The following ANKRD54 variants were observed in gnomAD, a reference collection of about 807,000 sequenced individuals.
ANKRD54 encodes ankyrin repeat domain 54, also known as ankyrin repeat domain-containing protein 54.
Under a neutral mutation model 36.2 loss-of-function variants are expected in ANKRD54, and 26 were observed. The observed-to-expected ratio is 0.72, with a 90% CI of 0.53 to 1.00. The LOEUF (loss-of-function observed/expected upper bound fraction) is 1.00, where lower values mean the gene tolerates loss of function less well. Among genes scored for constraint, ANKRD54 ranks in the 50% least tolerant of loss-of-function variants. The pLI, the probability that ANKRD54 is intolerant of heterozygous loss-of-function variation, is 0.00. For synonymous variants in ANKRD54, 209 were observed against 188.4 expected (o/e 1.11, Z -0.89); for missense variants, 384 against 424.3 (o/e 0.91, Z 0.83).
intron 1 of ANKRD54, among the ~76,000 whole-genome samples, chr22:37,841,139 C>A (rs1444734003): frequency 1.3e-5 from 2 of 150,990 alleles, no homozygotes; most frequent in Non-Finnish European, 2.9e-5. Flanking sequence ...TGCCTATAAT[C>A]CCGGTACTTT....
At chr22:37,844,562 G>T (rs1601742799), upstream of ANKRD54, 4 of 317,264 alleles carry the variant, frequency 1.3e-5, no homozygotes, top group Non-Finnish European at 2.3e-5. Context: ...GCTGTACGTC[G>T]CTACCGGAGC....
intron 2 of ANKRD54, 43 bp downstream of exon 2, chr22:37,840,144 C>A (rs1320138634): frequency 6.2e-7 from 1 of 1,613,126 alleles, no homozygotes; most frequent in Admixed American, 1.7e-5. Context: ...CTTCCCCAAC[C>A]AGCCCATGGG....
upstream of ANKRD54, among the ~76,000 whole-genome samples, chr22:37,846,714 C>T (rs1220902639): frequency 6.6e-6 from 1 of 152,152 alleles, no homozygotes; most frequent in Non-Finnish European, 1.5e-5. Context: ...GCATGAGCCA[C>T]CACATCCAGC....
chr22:37,839,386 CTTATG>C (rs781078950), intron 2 of ANKRD54, among the ~76,000 whole-genome samples: 12 of 151,730 alleles, frequency 7.9e-5, no homozygotes, highest in South Asian at 2.1e-4. Context: ...AAATTTTTTT[CTTATG>C]TTATTTATTT....
At chr22:37,835,456 G>C (rs1471782613) in intron 3 of ANKRD54, among the ~76,000 whole-genome samples, 1 of 152,100 alleles carries the variant, frequency 6.6e-6, no homozygotes, top group African/African-American at 2.4e-5. Flanking sequence ...AGAAAATCAA[G>C]TCATTTATAT....
chr22:37,844,233 T>G lies in ANKRD54; in HGVS notation c.6A>C (p.Ala2=). The G allele has an allele frequency of 6.5e-7, 1 of 1,545,660 alleles. No homozygotes were observed. Among genetic ancestry groups the G allele is most frequent in the Non-Finnish European group, 8.6e-7 (1 of 1,156,090 alleles). Residue 2 remains alanine, a synonymous_variant, in exon 1 of 8, where the codon GCA becomes GCC. Coordinates refer to ENST00000215941, the MANE Select transcript of ANKRD54 (RefSeq NM_138797.4). M[A]AAAGDADDEP... ...CGTCGTCCGCGTCCCCGGCGGCGGC[T>G]GCCATGGCAACGGCTCCGCGCGGGC...
chr22:37,831,913 C>T lies in ANKRD54; in HGVS notation c.*30G>A, dbSNP rs774422676. On this transcript the variant is annotated 3_prime_UTR_variant, in exon 8 of 8. Transcript: ENST00000215941. ...GAGACAGCAGTGGGGCAGGGTGGGG[C>T]AGTGGCAGGAAGGCAGGGAGCCTCT... is the stretch of plus-strand genomic sequence containing the variant. 2.5e-6 allele frequency: 4 copies of T among 1,609,054 alleles called. No individual in the cohort carries two copies. Among genetic ancestry groups the T allele is most frequent in the Non-Finnish European group, 3.4e-6 (4 of 1,176,990 alleles).
intron 2 of ANKRD54, 112 bp from the exon 3 acceptor site, chr22:37,838,710 A>AC (rs1923850316): frequency 2.9e-6 from 3 of 1,016,988 alleles, no homozygotes; most frequent in Admixed American, 4.5e-5. Flanking sequence ...CAAGACATCG[A>AC]CAATGCATAG....
intron 3 of ANKRD54, among the ~76,000 whole-genome samples, chr22:37,836,014 T>G (rs1024221688): frequency 6.6e-6 from 1 of 151,742 alleles, no homozygotes; most frequent in Non-Finnish European, 1.5e-5. Flanking sequence ...TTTTGTATAT[T>G]TAGTAGAGAT....
chr22:37,847,312 G>A (rs1281303011), upstream of ANKRD54, among the ~76,000 whole-genome samples: 1 of 151,708 alleles, frequency 6.6e-6, no homozygotes, highest in Non-Finnish European at 1.5e-5. Context: ...ACAGGCATAT[G>A]CCACCATGCC....
At chr22:37,841,546 ACACACACAC>A (rs1924245944) in intron 1 of ANKRD54, among the ~76,000 whole-genome samples, 4 of 146,570 alleles carry the variant, frequency 2.7e-5, no homozygotes, top group Admixed American at 6.8e-5. Context: ...ACACACACAC[ACACACACAC>A]ACAAAAAACA....
chr22:37,832,784 G>A, intron 6 of ANKRD54, 40 bp from the exon 7 acceptor site: 1 of 1,609,974 alleles, frequency 6.2e-7, no homozygotes, highest in East Asian at 2.2e-5. Flanking sequence ...GGGTTCCTAG[G>A]GAGGCAGACA....
chr22:37,831,571 T>C lies in ANKRD54; in HGVS notation c.*372A>G, dbSNP rs1021370954. ...ACACCTGCTGACTGCAACAAGCCCATGGCCAGGACGGAACACAGAGAAGGG... is the reference window on the plus strand; with the variant it reads ...ACACCTGCTGACTGCAACAAGCCCACGGCCAGGACGGAACACAGAGAAGGG... On this transcript the variant is annotated 3_prime_UTR_variant, in exon 8 of 8. Transcript: ENST00000215941. 3 of 221,796 alleles carry C rather than the reference T, an allele frequency of 1.4e-5. No individual in the cohort carries two copies. The highest frequency in any genetic ancestry group is 5.1e-5 in the Admixed American group (1 of 19,778). The allele number at this position is 221,796 out of a possible 1,614,324, so 13.7% of individuals were successfully genotyped here. A position where few individuals can be genotyped will look rare whatever the true frequency, so the allele number is the denominator to read the frequency against.
chr22:37,841,021 A>G (rs1489348118), intron 1 of ANKRD54, among the ~76,000 whole-genome samples: 1 of 150,790 alleles, frequency 6.6e-6, no homozygotes, highest in East Asian at 2.0e-4. Flanking sequence ...GGCGGAGGCT[A>G]CAGTGAGATG....
At position 37,831,894 on chromosome 22, in the gene ANKRD54, G is replaced by T; in HGVS notation, c.*49C>A. On this transcript the variant is annotated 3_prime_UTR_variant, in exon 8 of 8. Transcript: ENST00000215941. ...TGGGCTTTTTCTTGGTACTGAGACA[G>T]CAGTGGGGCAGGGTGGGGCAGTGGC... The T allele has an allele frequency of 1.3e-6, 2 of 1,588,690 alleles. No homozygotes were observed. Among genetic ancestry groups the T allele is most frequent in the Non-Finnish European group, 1.7e-6 (2 of 1,160,720 alleles).
At chr22:37,847,608 CACTGTT>C, upstream of ANKRD54, 1 of 474,336 alleles carries the variant, frequency 2.1e-6, no homozygotes, top group Non-Finnish European at 4.1e-6. Flanking sequence ...ATTATTTTCT[CACTGTT>C]ACAATTTTTG....
At chr22:37,841,921 G>A (rs966870460) in intron 1 of ANKRD54, among the ~76,000 whole-genome samples, 9 of 150,832 alleles carry the variant, frequency 6.0e-5, no homozygotes, top group East Asian at 1.9e-4. Context: ...AAAATTAGCC[G>A]GGTGTGGTGG....
At position 37,833,765 on chromosome 22, in the gene ANKRD54, G is replaced by C. The variant is rs1923192515; in HGVS notation, c.476-10C>G. 1.2e-6 allele frequency: 2 copies of C among 1,613,642 alleles called. No homozygotes were observed. The highest frequency in any genetic ancestry group is 1.3e-5 in the African/African-American group (1 of 74,942). ...TCCAGGAGCAGCTGCACTGGAAACA[G>C]GCAAACCCAAGAGGAGTTGTCGGAG... On this transcript the variant is annotated splice_polypyrimidine_tract_variant and intron_variant, in intron 3 of 7. Transcript: ENST00000215941.
upstream of ANKRD54, among the ~76,000 whole-genome samples, chr22:37,846,905 G>A (rs938356452): frequency 1.3e-5 from 2 of 150,924 alleles, no homozygotes; most frequent in South Asian, 2.1e-4. Flanking sequence ...CCAGGCTGGA[G>A]TGCAGTGGCA....
Sources: gnomAD v4.1 joint callset for allele counts (sites outside exome capture counted in the v4.1 genomes callset) on GRCh38, gnomAD v4.1.1 for gene constraint, MANE v1.5 for transcripts, NCBI Gene and HGNC (gene_info 2026-07-23, HGNC 2026-07-21) for gene names.